KIFAP3: variants seen among roughly 807,000 people sequenced by gnomAD.
KIFAP3 encodes kinesin associated protein 3.
A neutral mutation model predicts 106.5 loss-of-function variants in KIFAP3; 68 were observed. That is an observed-to-expected ratio of 0.64 (90% CI 0.53 to 0.78). The LOEUF (loss-of-function observed/expected upper bound fraction) is 0.78. Ranked by LOEUF, KIFAP3 falls within the 30% of genes least tolerant of loss-of-function variation. The probability of loss-of-function intolerance (pLI) is 0.00; values close to 1 mark genes in which losing one functional copy is unlikely to be tolerated. For missense variants in KIFAP3, 780 were observed against 941.8 expected (o/e 0.83, Z 2.25); for synonymous variants, 320 against 311.5 (o/e 1.03, Z -0.29).
intron 19 of KIFAP3, among the ~76,000 whole-genome samples, chr1:169,949,786 C>A (rs993012379): frequency 1.3e-5 from 2 of 152,160 alleles, no homozygotes; most frequent in African/African-American, 2.4e-5. Flanking sequence ...TGCCTTAGAG[C>A]CCTAATGCAT....
At chr1:169,979,116 G>A (rs945813339) in intron 15 of KIFAP3, among the ~76,000 whole-genome samples, 14 of 152,048 alleles carry the variant, frequency 9.2e-5, no homozygotes, top group Admixed American at 3.3e-4. Flanking sequence ...ACTCTGAGCT[G>A]GCTGTGTCAG....
chr1:169,994,831 G>C (rs1667293838), intron 10 of KIFAP3, among the ~76,000 whole-genome samples: 1 of 151,950 alleles, frequency 6.6e-6, no homozygotes, highest in Admixed American at 6.6e-5. Flanking sequence ...TGTTTGAAGA[G>C]CTTTACTACA....
At chr1:170,021,722 G>C (rs1668836178) in intron 9 of KIFAP3, among the ~76,000 whole-genome samples, 1 of 151,560 alleles carries the variant, frequency 6.6e-6, no homozygotes, top group African/African-American at 2.4e-5. Flanking sequence ...TTACAGATGT[G>C]AGCCACCACA....
chr1:169,928,689 A>G (rs1287184793), intron 19 of KIFAP3, among the ~76,000 whole-genome samples: 1 of 66,376 alleles, frequency 1.5e-5, no homozygotes, highest in Non-Finnish European at 2.6e-5. Context: ...AGTGAGTGAG[A>G]CCCTGTCTCC....
At chr1:170,029,298 T>C (rs1669275980) in intron 8 of KIFAP3, among the ~76,000 whole-genome samples, 2 of 152,046 alleles carry the variant, frequency 1.3e-5, no homozygotes, top group South Asian at 4.1e-4. Flanking sequence ...AGTCAGAGAT[T>C]TCAATATTAC....
In KIFAP3 at chr1:169,983,285, A is replaced by T. The variant is rs1268130711; in HGVS notation, c.1491T>A (p.Thr497=). ...TGATACTTACAATAAACAGATTTTT[A>T]GTTGGTCCATCATGCTGAGAAATGT... The part of the protein sequence containing the change: ...IRNISQHDGP[T]KNLFIDYVGD... Residue 497 remains threonine, a synonymous_variant, in exon 13 of 20, where the codon ACT becomes ACA. Coordinates refer to ENST00000361580, the MANE Select transcript of KIFAP3 (RefSeq NM_014970.4). 4.4e-6 allele frequency: 7 copies of T among 1,595,976 alleles called. No individual in the cohort carries two copies. The highest frequency in any genetic ancestry group is 6.0e-6 in the Non-Finnish European group (7 of 1,168,562).
At chr1:169,931,200 G>GTT (rs1663456757) in intron 19 of KIFAP3, among the ~76,000 whole-genome samples, 1 of 152,026 alleles carries the variant, frequency 6.6e-6, no homozygotes, top group African/African-American at 2.4e-5. Flanking sequence ...GATTACAGGC[G>GTT]TAAGCCACCG....
chr1:170,064,433 C>A (rs574772918), intron 1 of KIFAP3, among the ~76,000 whole-genome samples: 3 of 152,306 alleles, frequency 2.0e-5, no homozygotes, highest in Admixed American at 1.3e-4. Flanking sequence ...CAGCTCACTG[C>A]AGCCTTGCCT....
At chr1:169,953,659 A>C (rs592106) in intron 19 of KIFAP3, among the ~76,000 whole-genome samples, 142,192 of 152,050 alleles carry the variant, frequency 0.94, 66,579 homozygotes, top group East Asian at 0.99. Flanking sequence ...GGACTACAGG[A>C]GCCCACCACC....
chr1:170,012,297 A>T (rs1668282729), intron 10 of KIFAP3, among the ~76,000 whole-genome samples: 1 of 152,120 alleles, frequency 6.6e-6, no homozygotes, highest in African/African-American at 2.4e-5. Context: ...AGCAAGGAGA[A>T]ATCCTTGGGC....
At chr1:170,009,765 T>G (rs139377411) in intron 10 of KIFAP3, among the ~76,000 whole-genome samples, 141 of 152,230 alleles carry the variant, frequency 9.3e-4, no homozygotes, top group Middle Eastern at 6.8e-3. Context: ...CAACCCAGGA[T>G]AGTCTGACGT....
intron 16 of KIFAP3, among the ~76,000 whole-genome samples, chr1:169,975,040 T>C (rs552066619): frequency 1.6e-4 from 25 of 152,230 alleles, no homozygotes; most frequent in African/African-American, 5.8e-4. Flanking sequence ...TAATAAAATA[T>C]AAATGCTATG....
At chr1:169,944,456 C>T (rs565397) in intron 19 of KIFAP3, among the ~76,000 whole-genome samples, 1 of 152,152 alleles carries the variant, frequency 6.6e-6, no homozygotes. Flanking sequence ...GGAGCAACTA[C>T]GTCTGGGCTC....
intron 11 of KIFAP3, among the ~76,000 whole-genome samples, chr1:169,988,306 T>C (rs768576881): frequency 6.6e-6 from 1 of 152,178 alleles, no homozygotes; most frequent in Middle Eastern, 3.4e-3. Context: ...TATCTTACTT[T>C]CATATAGTTT....
chr1:169,978,475 C>A (rs1165049598), intron 15 of KIFAP3, among the ~76,000 whole-genome samples: 1 of 151,800 alleles, frequency 6.6e-6, no homozygotes, highest in African/African-American at 2.4e-5. Context: ...AATTATTATA[C>A]CTTCTAAACT....
chr1:170,066,274 T>C (rs1315462069), intron 1 of KIFAP3, among the ~76,000 whole-genome samples: 1 of 151,766 alleles, frequency 6.6e-6, no homozygotes, highest in East Asian at 1.9e-4. Context: ...TTTCAAGTCA[T>C]ATGTATTTTT....
At chr1:170,026,261 G>A (rs904466202) in intron 8 of KIFAP3, among the ~76,000 whole-genome samples, 1 of 152,110 alleles carries the variant, frequency 6.6e-6, no homozygotes, top group African/African-American at 2.4e-5. Context: ...AATTTCTGTT[G>A]TTTTAAGCCA....
chr1:169,983,179 T>C, intron 13 of KIFAP3, 91 bp downstream of exon 13: 2 of 734,394 alleles, frequency 2.7e-6, no homozygotes, highest in Non-Finnish European at 4.5e-6. Context: ...TATAAATTAA[T>C]ATTTGACGAG....
intron 2 of KIFAP3, among the ~76,000 whole-genome samples, chr1:170,047,620 C>CAA (rs1165754265): frequency 0.062 from 2,782 of 44,950 alleles, 134 homozygotes; most frequent in South Asian, 0.1. Context: ...GGCTCTGTCT[C>CAA]AAAAAAAAAA....
Sources: allele counts gnomAD v4.1 joint callset (sites outside exome capture counted in the v4.1 genomes callset), GRCh38; gene constraint gnomAD v4.1.1; transcripts MANE v1.5; gene names NCBI Gene and HGNC (gene_info 2026-07-23, HGNC 2026-07-21).